Variants in KCNH7 observed in about 807,000 individuals in gnomAD.
The protein encoded by KCNH7 is potassium voltage-gated channel subfamily H member 7.
In KCNH7, 49 loss-of-function variants were observed where a neutral mutation model predicts 120.8. The observed-to-expected ratio is 0.41, with a 90% CI of 0.32 to 0.51. The LOEUF (loss-of-function observed/expected upper bound fraction) is 0.51. KCNH7 is among the 20% of genes least tolerant of loss of function. The pLI, the probability that KCNH7 is intolerant of heterozygous loss-of-function variation, is 0.38. For missense variants in KCNH7, 1,097 were observed against 1,446.6 expected (o/e 0.76, Z 3.92); for synonymous variants, 547 against 516.1 (o/e 1.06, Z -0.81).
At chr2:162,819,255 T>C (rs1685018179) in intron 2 of KCNH7, among the ~76,000 whole-genome samples, 1 of 152,170 alleles carries the variant, frequency 6.6e-6, no homozygotes, top group African/African-American at 2.4e-5. Context: ...AATTAAGTTG[T>C]GGTTATATTA....
rs867730726 is a variant in KCNH7 at position 162,396,344 on chromosome 2, C to A, written c.2613+396G>T. Among the ~76,000 whole-genome samples the A allele has an allele frequency of 4.0e-5, 6 of 151,778 alleles. No individual in the cohort carries two copies. In the Middle Eastern group the frequency reaches 0.01, roughly 258 times the overall value. On this transcript the variant is annotated intron_variant, in intron 11 of 15. Transcript: ENST00000332142. ...TTATTATTGTGAAGACACTGATAACCAATGTACAGTGTAAATAATAGCTGA... is the reference window on the plus strand; with the variant it reads ...TTATTATTGTGAAGACACTGATAACAAATGTACAGTGTAAATAATAGCTGA...
chr2:162,378,619 A>G (rs1351980059), intron 14 of KCNH7, among the ~76,000 whole-genome samples: 1 of 152,246 alleles, frequency 6.6e-6, no homozygotes, highest in African/African-American at 2.4e-5. Flanking sequence ...AACGATAGAA[A>G]TATGTAACAA....
At chr2:162,551,858 T>C (rs1692679602) in intron 2 of KCNH7, among the ~76,000 whole-genome samples, 1 of 151,946 alleles carries the variant, frequency 6.6e-6, no homozygotes. Context: ...TAATAGCACT[T>C]CAATTCCAGG....
chr2:162,413,919 G>T (rs1028478817), intron 9 of KCNH7, among the ~76,000 whole-genome samples: 1 of 151,214 alleles, frequency 6.6e-6, no homozygotes, highest in Non-Finnish European at 1.5e-5. Flanking sequence ...AAAATAATAC[G>T]GAAAAAATAA....
At chr2:162,667,522 A>G (rs142195436) in intron 2 of KCNH7, among the ~76,000 whole-genome samples, 1 of 152,318 alleles carries the variant, frequency 6.6e-6, no homozygotes, top group East Asian at 1.9e-4. Context: ...TTCATCTTCT[A>G]TAATTAGTTA....
intron 7 of KCNH7, 115 bp from the exon 8 acceptor site, chr2:162,435,712 T>C: frequency 1.0e-6 from 1 of 995,126 alleles, no homozygotes; most frequent in Non-Finnish European, 1.4e-6. Context: ...TAAGGATAAC[T>C]GCCTATTTAA....
intron 2 of KCNH7, among the ~76,000 whole-genome samples, chr2:162,653,848 A>G (rs1397345579): frequency 1.3e-5 from 2 of 152,206 alleles, no homozygotes; most frequent in East Asian, 3.8e-4. Flanking sequence ...AAACCCACAC[A>G]TTTATGGTCA....
chr2:162,800,094 A>G lies in KCNH7; in HGVS notation c.307+36443T>C, dbSNP rs572138220. Among the ~76,000 whole-genome samples the G allele has an allele frequency of 8.6e-5, 13 of 151,718 alleles. 1 individual carries two copies. The East Asian group carries it at 9.7e-4, about 11-fold the overall frequency. ...TATCAACCTTCCACCACAACAAACA[A>G]TGAGTATTCCAGGGGCAGATCATAG... On this transcript the variant is annotated intron_variant, in intron 2 of 15. Transcript: ENST00000332142.
intron 2 of KCNH7, among the ~76,000 whole-genome samples, chr2:162,765,009 C>G (rs1258767435): frequency 2.6e-5 from 4 of 151,584 alleles, no homozygotes; most frequent in Admixed American, 6.6e-5. Flanking sequence ...TAAAATGTCA[C>G]AATGCTGACA....
At chr2:162,536,844 G>T in intron 3 of KCNH7, 81 bp downstream of exon 3, 3 of 1,205,578 alleles carry the variant, frequency 2.5e-6, no homozygotes, top group Non-Finnish European at 3.5e-6. Flanking sequence ...TTTGAGAACT[G>T]AATTGAAATG....
At chr2:162,578,468 G>A (rs527967263) in intron 2 of KCNH7, among the ~76,000 whole-genome samples, 1 of 152,074 alleles carries the variant, frequency 6.6e-6, no homozygotes, top group East Asian at 1.9e-4. Context: ...CTAGTGACAC[G>A]GCCAAGGCTT....
At chr2:162,424,430 A>G (rs1024829093) in intron 8 of KCNH7, among the ~76,000 whole-genome samples, 8 of 152,192 alleles carry the variant, frequency 5.3e-5, no homozygotes, top group Non-Finnish European at 1.0e-4. Context: ...CTGTACAGAA[A>G]GTCACATCAC....
At chr2:162,474,288 T>G (rs559474085) in intron 6 of KCNH7, among the ~76,000 whole-genome samples, 1 of 152,218 alleles carries the variant, frequency 6.6e-6, no homozygotes, top group South Asian at 2.1e-4. Context: ...CTTTATGCAC[T>G]GTATATAAAG....
chr2:162,749,286 C>T (rs922439002), intron 2 of KCNH7, among the ~76,000 whole-genome samples: 1 of 151,600 alleles, frequency 6.6e-6, no homozygotes, highest in African/African-American at 2.4e-5. Flanking sequence ...ACACACTGCA[C>T]TAAATGTTAA....
chr2:162,469,728 C>G (rs535110998), intron 6 of KCNH7, among the ~76,000 whole-genome samples: 2 of 151,238 alleles, frequency 1.3e-5, no homozygotes, highest in East Asian at 4.0e-4. Context: ...CCCTCTCCTT[C>G]TCTTTCCATG....
chr2:162,599,098 A>T (rs1253126455), intron 2 of KCNH7, among the ~76,000 whole-genome samples: 2 of 151,960 alleles, frequency 1.3e-5, no homozygotes, highest in Non-Finnish European at 2.9e-5. Flanking sequence ...TCTACTAAAA[A>T]TACAAAAATT....
intron 8 of KCNH7, among the ~76,000 whole-genome samples, chr2:162,423,855 A>G (rs1239766893): frequency 3.9e-5 from 6 of 152,160 alleles, no homozygotes; most frequent in Non-Finnish European, 8.8e-5. Context: ...CTTGAAAAAG[A>G]AGGCATCTCA....
chr2:162,784,779 C>G (rs1036876721), intron 2 of KCNH7: 7 of 152,128 alleles, frequency 4.6e-5, no homozygotes, highest in Admixed American at 4.6e-4. Context: ...GTGTTAGATT[C>G]CCTTCCTTTC....
At chr2:162,497,178 T>C (rs970695871) in intron 6 of KCNH7, 2 of 152,188 alleles carry the variant, frequency 1.3e-5, no homozygotes, top group Non-Finnish European at 2.9e-5. Flanking sequence ...TTTGGATTTA[T>C]GTCAAAAATA....
Sources: allele counts gnomAD v4.1 joint callset (sites outside exome capture counted in the v4.1 genomes callset), GRCh38; gene constraint gnomAD v4.1.1; transcripts MANE v1.5; gene names NCBI Gene and HGNC (gene_info 2026-07-23, HGNC 2026-07-21).